The following TAFA5 variants were observed in gnomAD, a reference collection of about 807,000 sequenced individuals.
The protein encoded by TAFA5 is chemokine-like protein TAFA-5.
TAFA5 carries 6 observed loss-of-function variants against 15.3 expected under a neutral mutation model. The ratio of observed to expected loss-of-function variants is 0.39; its 90% CI spans 0.21 to 0.77. The LOEUF (loss-of-function observed/expected upper bound fraction) is 0.77, where lower values mean the gene tolerates loss of function less well. Ranked by LOEUF, TAFA5 falls within the 30% of genes least tolerant of loss-of-function variation. The pLI is 0.41. For synonymous variants in TAFA5, 103 were observed against 80.7 expected (o/e 1.28, Z -1.48); for missense variants, 161 against 193.1 (o/e 0.83, Z 0.98).
At chr22:48,660,192 A>T (rs941713546) in intron 2 of TAFA5, among the ~76,000 whole-genome samples, 1 of 152,216 alleles carries the variant, frequency 6.6e-6, no homozygotes, top group Non-Finnish European at 1.5e-5. Context: ...GTCTTCGGAC[A>T]CGCTGTGCCC....
intron 2 of TAFA5, among the ~76,000 whole-genome samples, chr22:48,648,347 T>G (rs1029711140): frequency 5.3e-5 from 8 of 152,094 alleles, no homozygotes; most frequent in African/African-American, 1.9e-4. Flanking sequence ...ATGCCCAACT[T>G]CGGATCCCAC....
intron 1 of TAFA5, among the ~76,000 whole-genome samples, chr22:48,610,711 G>A (rs28378151): frequency 0.29 from 43,679 of 151,948 alleles, 6,360 homozygotes; most frequent in South Asian, 0.36. Flanking sequence ...GCTTGGTCCC[G>A]TGCTGTGTGT....
intron 1 of TAFA5, among the ~76,000 whole-genome samples, chr22:48,620,629 C>CCATCCTATCCACCCACCCACCATCCA (rs1925770691): frequency 1.8e-5 from 1 of 55,602 alleles, no homozygotes. Flanking sequence ...CCCACCATCC[C>CCATCCTATCCACCCACCCACCATCCA]CCATCCTATC....
At chr22:48,611,225 G>A (rs116802508) in intron 1 of TAFA5, among the ~76,000 whole-genome samples, 1,761 of 152,288 alleles carry the variant, frequency 0.012, 33 homozygotes, top group African/African-American at 0.036. Flanking sequence ...GTGAGGCACC[G>A]CACTCAGCCT....
intron 2 of TAFA5, among the ~76,000 whole-genome samples, chr22:48,687,570 G>A (rs1220238265): frequency 6.6e-6 from 1 of 152,136 alleles, no homozygotes; most frequent in African/African-American, 2.4e-5. Flanking sequence ...TCCCTGAGAA[G>A]GCAGTCAGAG....
At chr22:48,692,945 A>C (rs738692) in intron 2 of TAFA5, among the ~76,000 whole-genome samples, 31 of 152,114 alleles carry the variant, frequency 2.0e-4, no homozygotes, top group African/African-American at 7.0e-4. Flanking sequence ...CAGGAAGGGC[A>C]TCGGCGGCGC....
At chr22:48,636,634 C>T (rs975837033) in intron 1 of TAFA5, among the ~76,000 whole-genome samples, 2 of 12,038 alleles carry the variant, frequency 1.7e-4, no homozygotes, top group African/African-American at 1.3e-3. Context: ...TGGGGAGACG[C>T]TCCCTGGAAA....
At chr22:48,526,474 T>TCA (rs1921785624) in intron 1 of TAFA5, among the ~76,000 whole-genome samples, 1 of 152,228 alleles carries the variant, frequency 6.6e-6, no homozygotes, top group Non-Finnish European at 1.5e-5. Flanking sequence ...TCAGAGTCCC[T>TCA]GGTCCACAAG....
chr22:48,653,385 G>A (rs1011030061), intron 2 of TAFA5, among the ~76,000 whole-genome samples: 1 of 152,232 alleles, frequency 6.6e-6, no homozygotes, highest in Non-Finnish European at 1.5e-5. Flanking sequence ...AGAGGATGCA[G>A]CCACTTCAGG....
intron 1 of TAFA5, among the ~76,000 whole-genome samples, chr22:48,597,480 C>T (rs1213487981): frequency 6.6e-6 from 1 of 151,848 alleles, no homozygotes; most frequent in Non-Finnish European, 1.5e-5. Flanking sequence ...CCACCATGGC[C>T]TGCATCACCT....
chr22:48,594,239 G>A lies in TAFA5; in HGVS notation c.113-52358G>A, dbSNP rs116259807. Among the ~76,000 whole-genome samples, 759 of 152,298 alleles carry A rather than the reference G, an allele frequency of 5.0e-3. 4 individuals are homozygous for A. Among genetic ancestry groups the A allele is most frequent in the African/African-American group, 0.017 (724 of 41,564 alleles). ...GTGCAGGCGAGACCCAGCGAGGCTC[G>A]AGGACTGCAGACTATGCAGCAGATC... On this transcript the variant is annotated intron_variant, in intron 1 of 3. Transcript: ENST00000402357.
chr22:48,553,846 G>A (rs909526807), intron 1 of TAFA5, among the ~76,000 whole-genome samples: 3 of 152,240 alleles, frequency 2.0e-5, no homozygotes, highest in Non-Finnish European at 2.9e-5. Context: ...GAATCCAACC[G>A]AGAACTTGAC....
intron 1 of TAFA5, among the ~76,000 whole-genome samples, chr22:48,597,084 G>A (rs2147162292): frequency 6.6e-6 from 1 of 152,334 alleles, no homozygotes; most frequent in East Asian, 1.9e-4. Flanking sequence ...TGGGATTCCA[G>A]GTGTGAGTCA....
At chr22:48,603,924 A>G (rs1925064754) in intron 1 of TAFA5, among the ~76,000 whole-genome samples, 1 of 152,136 alleles carries the variant, frequency 6.6e-6, no homozygotes, top group South Asian at 2.1e-4. Flanking sequence ...CAGTGGTCAG[A>G]ACCCCCTGGC....
At chr22:48,705,150 T>A (rs1326124224) in intron 2 of TAFA5, among the ~76,000 whole-genome samples, 1 of 152,096 alleles carries the variant, frequency 6.6e-6, no homozygotes, top group Non-Finnish European at 1.5e-5. Flanking sequence ...GAGAGGATAT[T>A]GCATCCCTAG....
chr22:48,602,866 TG>T (rs1925025957), intron 1 of TAFA5, among the ~76,000 whole-genome samples: 1 of 152,144 alleles, frequency 6.6e-6, no homozygotes, highest in African/African-American at 2.4e-5. Flanking sequence ...TGGTGTCACA[TG>T]GGGCCATTGA....
At position 48,550,826 on chromosome 22, in the gene TAFA5, G is replaced by A. The variant is rs1922830218; in HGVS notation, c.112+61122G>A. On this transcript the variant is annotated intron_variant, in intron 1 of 3. Coordinates refer to ENST00000402357, the MANE Select transcript of TAFA5 (RefSeq NM_001082967.3). This position sits in a 1 kb window ranked among gnomAD's most constrained non-coding sequence, Gnocchi z 4.1. ...TTCTCGGGAAAGAGCGGTGCCTCCA[G>A]GATTCAGGCCTGAGTCGTGCCCGGG... is the stretch of plus-strand genomic sequence containing the variant. Among the ~76,000 whole-genome samples the A allele has an allele frequency of 6.6e-6, 1 of 152,134 alleles. No homozygotes were observed. The highest frequency in any genetic ancestry group is 1.5e-5 in the Non-Finnish European group (1 of 68,012).
chr22:48,733,759 C>T (rs1021829020), intron 3 of TAFA5, among the ~76,000 whole-genome samples: 23 of 152,108 alleles, frequency 1.5e-4, no homozygotes, highest in African/African-American at 4.6e-4. Context: ...CAGGCCCATC[C>T]GTTCGTGTGT....
At chr22:48,715,268 A>G (rs1164801504) in intron 3 of TAFA5, among the ~76,000 whole-genome samples, 2 of 152,216 alleles carry the variant, frequency 1.3e-5, no homozygotes, top group Non-Finnish European at 2.9e-5. Context: ...GCTCCGAAAC[A>G]TGGTGGAAAG....
Sources: gnomAD v4.1 joint callset for allele counts (sites outside exome capture counted in the v4.1 genomes callset) on GRCh38, gnomAD v4.1.1 for gene constraint, Gnocchi (gnomAD v3.1) non-coding constraint, MANE v1.5 for transcripts, NCBI Gene and HGNC (gene_info 2026-07-23, HGNC 2026-07-21) for gene names.